The following MLLT10 variants were observed in gnomAD, a reference collection of about 807,000 sequenced individuals.
MLLT10 encodes MLLT10 histone lysine methyltransferase DOT1L cofactor.
Under a neutral mutation model 129.1 loss-of-function variants are expected in MLLT10, and 30 were observed. That is an observed-to-expected ratio of 0.23 (90% CI 0.17 to 0.32). MLLT10 has a LOEUF of 0.32. Ranked by LOEUF, MLLT10 falls within the 10% of genes least tolerant of loss-of-function variation. The probability of loss-of-function intolerance (pLI) is 1.00; values close to 1 mark genes in which losing one functional copy is unlikely to be tolerated. For missense variants in MLLT10, 1,119 were observed against 1,268.3 expected (o/e 0.88, Z 1.79); for synonymous variants, 490 against 446.4 (o/e 1.10, Z -1.23).
At chr10:21,717,804 T>C (rs1422800107) in intron 14 of MLLT10, among the ~76,000 whole-genome samples, 1 of 127,590 alleles carries the variant, frequency 7.8e-6, no homozygotes, top group African/African-American at 3.0e-5. Flanking sequence ...TTCTTCTCCT[T>C]CTTCTTCTCC....
intron 8 of MLLT10, among the ~76,000 whole-genome samples, chr10:21,633,364 G>A (rs2047175545): frequency 1.3e-5 from 2 of 152,196 alleles, no homozygotes; most frequent in Admixed American, 1.3e-4. Context: ...GTGCAAAGAT[G>A]TTTTTAATAT....
At chr10:21,595,291 G>T (rs763518036) in intron 4 of MLLT10, 40 bp from the exon 5 acceptor site, 2 of 1,530,898 alleles carry the variant, frequency 1.3e-6, no homozygotes, top group Middle Eastern at 3.4e-4. Flanking sequence ...ATTTGCTTTC[G>T]ATAAAACTGA....
At chr10:21,730,137 C>CA (rs577047947) in intron 16 of MLLT10, among the ~76,000 whole-genome samples, 19 of 150,906 alleles carry the variant, frequency 1.3e-4, no homozygotes, top group Admixed American at 2.6e-4. Flanking sequence ...CCTCCCCGCC[C>CA]AAAAAAAAGC....
chr10:21,649,813 C>A (rs1253920410), intron 8 of MLLT10, among the ~76,000 whole-genome samples: 2 of 152,146 alleles, frequency 1.3e-5, no homozygotes, highest in Admixed American at 6.5e-5. Context: ...CTGCCACATC[C>A]TGTTGAGTAA....
intron 3 of MLLT10, among the ~76,000 whole-genome samples, chr10:21,569,828 G>A (rs1169977380): frequency 6.6e-6 from 1 of 152,086 alleles, no homozygotes; most frequent in Non-Finnish European, 1.5e-5. Flanking sequence ...CTATGGCCTT[G>A]ACCTCCTCCT....
chr10:21,733,282 A>G (rs1045844857), intron 18 of MLLT10, among the ~76,000 whole-genome samples, 195 bp downstream of exon 18: 1 of 152,218 alleles, frequency 6.6e-6, no homozygotes, highest in African/African-American at 2.4e-5. Flanking sequence ...ATATAATGGT[A>G]AAATTTACTT....
chr10:21,707,354 G>T (rs573496536), intron 13 of MLLT10, among the ~76,000 whole-genome samples: 1 of 151,542 alleles, frequency 6.6e-6, no homozygotes, highest in Non-Finnish European at 1.5e-5. Flanking sequence ...CACCATGCCC[G>T]GCTAATTTTT....
chr10:21,676,534 A>C (rs1460999106), intron 11 of MLLT10, among the ~76,000 whole-genome samples: 2 of 151,892 alleles, frequency 1.3e-5, no homozygotes, highest in Non-Finnish European at 2.9e-5. Context: ...CGTCCTGGCC[A>C]ACATGGTGAA....
At position 21,594,507 on chromosome 10, in the gene MLLT10, C is replaced by G. The variant is rs562511009; in HGVS notation, c.296-824C>G. 3.4e-3 allele frequency among the ~76,000 whole-genome samples: 496 copies of G among 146,196 alleles called. 10 individuals carry two copies. The highest frequency in any genetic ancestry group is 0.019 in the Middle Eastern group (5 of 264). ...GGCGGAGGTCGCGGTGAGACGAGAT[C>G]GCGCCACTGCTCTCCAGCCTGGGCA... On this transcript the variant is annotated intron_variant, in intron 4 of 22. Coordinates refer to ENST00000307729, the MANE Select transcript of MLLT10 (RefSeq NM_001195626.3).
intron 9 of MLLT10, among the ~76,000 whole-genome samples, chr10:21,669,409 ATTGT>A (rs1258774453): frequency 6.6e-6 from 1 of 151,848 alleles, no homozygotes; most frequent in Admixed American, 6.6e-5. Context: ...TATTCATCTG[ATTGT>A]TTGTGTTGAG....
intron 8 of MLLT10, among the ~76,000 whole-genome samples, chr10:21,626,480 C>G (rs1466754399): frequency 6.6e-6 from 1 of 152,112 alleles, no homozygotes; most frequent in African/African-American, 2.4e-5. Context: ...CTAATCTATT[C>G]CTGCAAGAAT....
At chr10:21,580,868 ATTTTTT>A (rs71393910) in intron 3 of MLLT10, among the ~76,000 whole-genome samples, 134 of 73,282 alleles carry the variant, frequency 1.8e-3, no homozygotes, top group South Asian at 9.2e-3. Context: ...CGCCCAGCTC[ATTTTTT>A]TTTTTTTTTT....
intron 13 of MLLT10, among the ~76,000 whole-genome samples, chr10:21,702,614 GTGCATATATATTTAGAATTGT>G (rs2055037639): frequency 6.6e-6 from 1 of 151,810 alleles, no homozygotes; most frequent in Non-Finnish European, 1.5e-5. Flanking sequence ...TTCCAGTTTG[GTGCATATATATTTAGAATTGT>G]TATATCCTCT....
At chr10:21,590,284 C>T (rs2042374337) in intron 4 of MLLT10, among the ~76,000 whole-genome samples, 1 of 151,970 alleles carries the variant, frequency 6.6e-6, no homozygotes, top group Admixed American at 6.6e-5. Flanking sequence ...TCTATTTTTC[C>T]AAGAAATTTA....
chr10:21,543,675 C>G (rs2035600711), intron 3 of MLLT10, among the ~76,000 whole-genome samples: 2 of 151,990 alleles, frequency 1.3e-5, no homozygotes, highest in Admixed American at 1.3e-4. Context: ...GATGGGGTTT[C>G]TTCATGTTGG....
At chr10:21,580,111 C>T (rs1251146497) in intron 3 of MLLT10, among the ~76,000 whole-genome samples, 2 of 150,364 alleles carry the variant, frequency 1.3e-5, no homozygotes, top group African/African-American at 4.9e-5. Context: ...CTCAAACTCC[C>T]AGGCACAAGT....
chr10:21,567,981 G>A (rs1018037684), intron 3 of MLLT10, among the ~76,000 whole-genome samples: 6 of 151,928 alleles, frequency 3.9e-5, no homozygotes, highest in Admixed American at 3.9e-4. Flanking sequence ...CAACACGCCC[G>A]GGTAATTTTT....
chr10:21,685,076 C>T (rs2053163844), intron 13 of MLLT10, among the ~76,000 whole-genome samples: 1 of 151,876 alleles, frequency 6.6e-6, no homozygotes, highest in Non-Finnish European at 1.5e-5. Flanking sequence ...TCTAATACTT[C>T]CTCCAATTGA....
chr10:21,654,813 G>A (rs1269173559), intron 9 of MLLT10, among the ~76,000 whole-genome samples: 1 of 152,132 alleles, frequency 6.6e-6, no homozygotes, highest in African/African-American at 2.4e-5. Flanking sequence ...AAACCCAGTG[G>A]GTAGGGAAAT....
Sources: allele counts gnomAD v4.1 joint callset (sites outside exome capture counted in the v4.1 genomes callset), GRCh38; gene constraint gnomAD v4.1.1; transcripts MANE v1.5; gene names NCBI Gene and HGNC (gene_info 2026-07-23, HGNC 2026-07-21).